The following TULP3 variants were observed in gnomAD, a reference collection of about 807,000 sequenced individuals.
TULP3 encodes the protein TUB like protein 3.
Under a neutral mutation model 50.7 loss-of-function variants are expected in TULP3, and 38 were observed. The observed-to-expected ratio is 0.75, with a 90% CI of 0.58 to 0.98. The LOEUF (loss-of-function observed/expected upper bound fraction) is 0.98, where lower values mean the gene tolerates loss of function less well. TULP3 is among the 50% of genes least tolerant of loss of function. The pLI is 0.00. For missense variants in TULP3, 550 were observed against 568.0 expected (o/e 0.97, Z 0.32); for synonymous variants, 183 against 196.6 (o/e 0.93, Z 0.58).
At chr12:2,926,456 A>AC (rs1232415735) in intron 4 of TULP3, among the ~76,000 whole-genome samples, 1 of 152,232 alleles carries the variant, frequency 6.6e-6, no homozygotes, top group African/African-American at 2.4e-5. Context: ...CTGCACTCCC[A>AC]CCTGGGCAAC....
At chr12:2,927,339 A>G (rs1363256730) in intron 4 of TULP3, among the ~76,000 whole-genome samples, 1 of 112,262 alleles carries the variant, frequency 8.9e-6, no homozygotes. Context: ...AAGTTTTTGT[A>G]TGGACCTATG....
intron 4 of TULP3, among the ~76,000 whole-genome samples, chr12:2,924,455 A>G (rs1388715895): frequency 6.6e-6 from 1 of 152,044 alleles, no homozygotes; most frequent in Non-Finnish European, 1.5e-5. Context: ...AGGTGGGAGT[A>G]TTGCTTGAAG....
chr12:2,919,766 T>C (rs919493653), intron 2 of TULP3, among the ~76,000 whole-genome samples: 1 of 152,038 alleles, frequency 6.6e-6, no homozygotes, highest in Non-Finnish European at 1.5e-5. Context: ...GGTTTTTTTT[T>C]CTCATAGTCT....
chr12:2,913,566 G>C (rs367609628), intron 2 of TULP3, among the ~76,000 whole-genome samples: 1 of 151,368 alleles, frequency 6.6e-6, no homozygotes. Context: ...GCCTGGTCAA[G>C]TTTTATAGTT....
At chr12:2,930,778 G>C in intron 5 of TULP3, 1 of 561,092 alleles carries the variant, frequency 1.8e-6, no homozygotes, top group Non-Finnish European at 3.2e-6. Flanking sequence ...TCCTTCAGAA[G>C]TGTAAGCTCA....
chr12:2,910,774 T>A (rs916738333), intron 2 of TULP3, among the ~76,000 whole-genome samples: 3 of 152,202 alleles, frequency 2.0e-5, no homozygotes, highest in African/African-American at 7.2e-5. Flanking sequence ...ACTAATTTAC[T>A]GTGATCTTGG....
intron 1 of TULP3, among the ~76,000 whole-genome samples, chr12:2,891,363 C>T (rs2098171905): frequency 2.6e-5 from 4 of 152,168 alleles, no homozygotes; most frequent in Admixed American, 2.0e-4. Flanking sequence ...AGAGGGGACC[C>T]AGCCCCTCCC....
intron 4 of TULP3, among the ~76,000 whole-genome samples, chr12:2,929,054 CT>C (rs34681559): frequency 0.48 from 71,082 of 148,484 alleles, 17,154 homozygotes; most frequent in African/African-American, 0.59. Flanking sequence ...AAAAAGTACA[CT>C]TTTTTTTTTT....
intron 1 of TULP3, among the ~76,000 whole-genome samples, chr12:2,900,473 A>T (rs1479832649): frequency 3.3e-5 from 5 of 152,260 alleles, no homozygotes; most frequent in African/African-American, 1.2e-4. Context: ...GACTGGGTCT[A>T]TGAAATTACA....
intron 4 of TULP3, 134 bp downstream of exon 4, chr12:2,922,536 G>A (rs2153949670): frequency 4.6e-6 from 5 of 1,088,694 alleles, no homozygotes; most frequent in African/African-American, 3.2e-5. Flanking sequence ...AGGTGACAGT[G>A]TTTAGCATCT....
At chr12:2,894,319 T>C (rs1220703521) in intron 1 of TULP3, among the ~76,000 whole-genome samples, 1 of 150,104 alleles carries the variant, frequency 6.7e-6, no homozygotes, top group Non-Finnish European at 1.5e-5. Flanking sequence ...GGAAATCACC[T>C]GAGGTCACGA....
intron 1 of TULP3, among the ~76,000 whole-genome samples, chr12:2,904,868 G>C (rs2098181263): frequency 6.6e-6 from 1 of 152,086 alleles, no homozygotes; most frequent in East Asian, 2.0e-4. Flanking sequence ...GGAGGCCGAG[G>C]TGGTCAGATC....
At chr12:2,900,194 G>T (rs374257215) in intron 1 of TULP3, among the ~76,000 whole-genome samples, 1 of 152,146 alleles carries the variant, frequency 6.6e-6, no homozygotes, top group Non-Finnish European at 1.5e-5. Flanking sequence ...CTGTACTCCA[G>T]CCTAGCGACA....
intron 1 of TULP3, among the ~76,000 whole-genome samples, chr12:2,894,397 A>C (rs939781049): frequency 6.6e-6 from 1 of 151,972 alleles, no homozygotes; most frequent in African/African-American, 2.4e-5. Context: ...TTAGCCAGGC[A>C]TGGTGGCAGG....
At chr12:2,893,118 C>T (rs1281057984) in intron 1 of TULP3, among the ~76,000 whole-genome samples, 1 of 151,880 alleles carries the variant, frequency 6.6e-6, no homozygotes, top group African/African-American at 2.4e-5. Flanking sequence ...CTGCCTCAGC[C>T]TCCAAAACTT....
chr12:2,922,111 C>T, intron 3 of TULP3, 151 bp from the exon 4 acceptor site: 6 of 970,220 alleles, frequency 6.2e-6, no homozygotes, highest in Non-Finnish European at 8.9e-6. Flanking sequence ...TTCTGACCTT[C>T]TCTCTTAACA....
chr12:2,907,519 A>G (rs1202016268), intron 1 of TULP3, among the ~76,000 whole-genome samples: 1 of 149,944 alleles, frequency 6.7e-6, no homozygotes. Flanking sequence ...ATGATGGTGC[A>G]TGCCTGTAGT....
rs147506746 is a variant in TULP3 at position 2,910,201 on chromosome 12, G to A, written c.93+621G>A. 5.1e-3 allele frequency among the ~76,000 whole-genome samples: 775 copies of A among 152,286 alleles called. 10 individuals carry two copies. The highest frequency in any genetic ancestry group is 0.018 in the African/African-American group (748 of 41,562). ...CCAGCTACTCAGGAGGCTGAGGCAG[G>A]AGAATGGCGTGAACCCAGGAGGCGG... On this transcript the variant is annotated intron_variant, in intron 2 of 10. Transcript: ENST00000448120.
chr12:2,912,665 A>G (rs893220704), intron 2 of TULP3, among the ~76,000 whole-genome samples: 1 of 152,242 alleles, frequency 6.6e-6, no homozygotes, highest in Non-Finnish European at 1.5e-5. Flanking sequence ...TAAGTGATGA[A>G]TCTGAATCTG....
Sources: allele counts gnomAD v4.1 joint callset (sites outside exome capture counted in the v4.1 genomes callset), GRCh38; gene constraint gnomAD v4.1.1; transcripts MANE v1.5; gene names NCBI Gene and HGNC (gene_info 2026-07-23, HGNC 2026-07-21).